The following PRKRIP1 variants were observed in gnomAD, a reference collection of about 807,000 sequenced individuals.
PRKRIP1 encodes PRKR-interacting protein 1.
In PRKRIP1, 29 loss-of-function variants were observed where a neutral mutation model predicts 29.3. That is an observed-to-expected ratio of 0.99 (90% CI 0.74 to 1.35). The LOEUF (loss-of-function observed/expected upper bound fraction) is 1.35. Ranked by LOEUF, PRKRIP1 falls within the 40% of genes most tolerant of loss-of-function variation. The pLI, the probability that PRKRIP1 is intolerant of heterozygous loss-of-function variation, is 0.00. For missense variants in PRKRIP1, 247 were observed against 236.8 expected (o/e 1.04, Z -0.28); for synonymous variants, 90 against 85.1 (o/e 1.06, Z -0.32).
intron 5 of PRKRIP1, among the ~76,000 whole-genome samples, chr7:102,417,587 G>A (rs1164816848): frequency 7.0e-6 from 1 of 143,274 alleles, no homozygotes; most frequent in African/African-American, 2.6e-5. Flanking sequence ...TGGCTCCTGT[G>A]TTCCCTTGAC....
At chr7:102,410,888 T>A (rs1028356268) in intron 5 of PRKRIP1, among the ~76,000 whole-genome samples, 1 of 152,212 alleles carries the variant, frequency 6.6e-6, no homozygotes, top group African/African-American at 2.4e-5. Context: ...TTTCTTGATA[T>A]GTTTGGATTC....
At chr7:102,403,557 C>A (rs1362138959) in intron 3 of PRKRIP1, among the ~76,000 whole-genome samples, 1 of 152,126 alleles carries the variant, frequency 6.6e-6, no homozygotes, top group Non-Finnish European at 1.5e-5. Context: ...TGTGCAGTGG[C>A]GCAATTTCCG....
chr7:102,403,621 T>C (rs1796130164), intron 3 of PRKRIP1, among the ~76,000 whole-genome samples: 1 of 152,214 alleles, frequency 6.6e-6, no homozygotes, highest in Non-Finnish European at 1.5e-5. Context: ...CTCAGCCTCC[T>C]GAGTATCAGC....
intron 5 of PRKRIP1, among the ~76,000 whole-genome samples, chr7:102,408,395 G>C (rs1796287711): frequency 1.3e-5 from 2 of 152,170 alleles, no homozygotes; most frequent in Non-Finnish European, 2.9e-5. Context: ...TGCCACCCTA[G>C]CCAGATCCAG....
chr7:102,404,284 C>T lies in PRKRIP1; in HGVS notation c.307-314C>T, dbSNP rs568471247. ...GAGCTCTGGGCAGTATCCAAGGCCC[C>T]GGCTGAGCAGATGGTGAGCGCTGCC... On this transcript the variant is annotated intron_variant, in intron 3 of 5. Transcript: ENST00000397912. The T allele has an allele frequency of 8.8e-4, 205 of 234,022 alleles. 6 individuals carry two copies. In the South Asian group the frequency reaches 0.019, roughly 22 times the overall value. 14.5% of individuals were successfully genotyped at this position (234,022 alleles called of 1,614,324 possible).
rs1554570954 is a variant in PRKRIP1 at position 102,399,634 on chromosome 7, G to C, written c.292G>C (p.Ala98Pro). 6.2e-7 allele frequency: 1 copy of C among 1,613,616 alleles called. No homozygotes were observed. The highest frequency in any genetic ancestry group is 1.1e-5 in the South Asian group (1 of 91,074). Residue 98 changes from alanine to proline, a missense_variant, in exon 3 of 6, where the codon GCC (alanine) becomes CCC (proline). Ala to Pro is a conservative substitution (Grantham distance 27). This residue lies in a region of PRKRIP1 where 134 missense variants were observed against 126.6 expected (regional missense o/e 1.06). Coordinates refer to ENST00000397912, the MANE Select transcript of PRKRIP1 (RefSeq NM_024653.4). Reference sequence around the variant, plus strand: ...ATATCAGCGACAGGACTACATGGATGCCATGGCTGAGAAGGTCAGTGAGCC... The same window carrying C: ...ATATCAGCGACAGGACTACATGGATCCCATGGCTGAGAAGGTCAGTGAGCC... Reference protein sequence around the residue: ...REYQRQDYMDAMAEKQKLDAE... With the variant: ...REYQRQDYMDPMAEKQKLDAE...
intron 5 of PRKRIP1, 82 bp downstream of exon 5, chr7:102,407,580 C>A: frequency 2.8e-6 from 3 of 1,069,748 alleles, no homozygotes; most frequent in Non-Finnish European, 4.3e-6. Context: ...AACACAGGGA[C>A]GGAGAGTTTG....
chr7:102,411,004 C>T (rs1416476326), intron 5 of PRKRIP1, among the ~76,000 whole-genome samples: 1 of 152,130 alleles, frequency 6.6e-6, no homozygotes, highest in South Asian at 2.1e-4. Flanking sequence ...CGGCTCGCGG[C>T]GGCCTTGAAC....
intron 2 of PRKRIP1, among the ~76,000 whole-genome samples, chr7:102,398,608 C>T (rs925016838): frequency 1.3e-5 from 2 of 152,030 alleles, no homozygotes; most frequent in South Asian, 2.1e-4. Context: ...TTCTTAATAA[C>T]GCATTGTGGT....
At chr7:102,418,046 CTTCTTT>C (rs1478138365) in intron 5 of PRKRIP1, among the ~76,000 whole-genome samples, 14 of 20,196 alleles carry the variant, frequency 6.9e-4, no homozygotes, top group South Asian at 2.7e-3. Flanking sequence ...TCTTCTTCTT[CTTCTTT>C]TTTTTTTTTT....
intron 4 of PRKRIP1, chr7:102,405,718 T>G (rs2133175315): frequency 6.0e-6 from 1 of 166,222 alleles, no homozygotes; most frequent in Admixed American, 6.4e-5. Context: ...AAGGACGGAC[T>G]GGCAGAGTCA....
In PRKRIP1 at chr7:102,419,825, GCTA is replaced by G. The variant is rs1468789850; in HGVS notation, c.458-5186_458-5184del. Among the ~76,000 whole-genome samples the G allele has an allele frequency of 7.9e-5, 12 of 151,266 alleles. No individual in the cohort carries two copies. The East Asian group carries it at 2.3e-3, about 29-fold the overall frequency. ...ATAAAGCTTCAACAGACATTTGTGT[GCTA>G]CTGTTTTTTTGTGTTTTTGTGTGTG... On this transcript the variant is annotated intron_variant, in intron 5 of 5. Transcript: ENST00000397912.
chr7:102,411,239 T>G (rs1333762514), intron 5 of PRKRIP1, among the ~76,000 whole-genome samples: 1 of 152,168 alleles, frequency 6.6e-6, no homozygotes, highest in Non-Finnish European at 1.5e-5. Context: ...AATTTTTGTA[T>G]TTTTTATAGA....
chr7:102,415,980 T>C (rs1462177132), intron 5 of PRKRIP1, among the ~76,000 whole-genome samples: 1 of 152,242 alleles, frequency 6.6e-6, no homozygotes, highest in Non-Finnish European at 1.5e-5. Flanking sequence ...GCCTGTACTC[T>C]GTTCACGCCG....
intron 2 of PRKRIP1, among the ~76,000 whole-genome samples, chr7:102,398,932 G>A (rs1409283851): frequency 6.6e-6 from 1 of 152,050 alleles, no homozygotes; most frequent in Admixed American, 6.6e-5. Flanking sequence ...GACCAGCCTG[G>A]GCAACACAGG....
chr7:102,414,033 G>A (rs1796467553), intron 5 of PRKRIP1, among the ~76,000 whole-genome samples: 1 of 152,102 alleles, frequency 6.6e-6, no homozygotes, highest in Admixed American at 6.6e-5. Flanking sequence ...TTCAAGACCA[G>A]CCCAGCCAAC....
chr7:102,414,515 G>T (rs1554572854), intron 5 of PRKRIP1, among the ~76,000 whole-genome samples: 1 of 152,194 alleles, frequency 6.6e-6, no homozygotes, highest in Non-Finnish European at 1.5e-5. Context: ...TGAAACAGTA[G>T]ATTGATTCCA....
At chr7:102,404,769 T>TC in intron 4 of PRKRIP1, 86 bp downstream of exon 4, 1 of 966,374 alleles carries the variant, frequency 1.0e-6, no homozygotes, top group Non-Finnish European at 1.6e-6. Flanking sequence ...TAGTAGTTCC[T>TC]CTGCATGACC....
intron 4 of PRKRIP1, among the ~76,000 whole-genome samples, chr7:102,406,746 A>C (rs1563615695): frequency 6.6e-6 from 1 of 151,998 alleles, no homozygotes; most frequent in African/African-American, 2.4e-5. Flanking sequence ...TGCGTTGTTG[A>C]TGTTGTGAGT....
Sources: gnomAD v4.1 joint callset for allele counts (sites outside exome capture counted in the v4.1 genomes callset) on GRCh38, gnomAD v4.1.1 for gene constraint, gnomAD v4.1.1 regional missense constraint, MANE v1.5 for transcripts, NCBI Gene and HGNC (gene_info 2026-07-23, HGNC 2026-07-21) for gene names.